The following RBFOX1 variants were observed in gnomAD, a reference collection of about 807,000 sequenced individuals.
The protein encoded by RBFOX1 is RNA binding protein fox-1 homolog 1.
RBFOX1 carries 8 observed loss-of-function variants against 57.7 expected under a neutral mutation model. That is an observed-to-expected ratio of 0.14 (90% confidence interval 0.08 to 0.25). RBFOX1 has a LOEUF of 0.25. RBFOX1 is among the 10% of genes least tolerant of loss of function. The pLI is 1.00. For missense variants in RBFOX1, 611 were observed against 548.5 expected, an observed-to-expected ratio of 1.11 and a Z score of -1.14; for synonymous variants, 326 against 222.4, an observed-to-expected ratio of 1.47 and a Z score of -4.15.
At chr16:7,467,430 T>G (rs920150606) in intron 4 of RBFOX1, among the ~76,000 whole-genome samples, 1 of 152,110 alleles carries the variant, frequency 6.6e-6, no homozygotes, top group Admixed American at 6.6e-5. Context: ...GACATTGGGA[T>G]GTAACAACCA....
intron 5 of RBFOX1, among the ~76,000 whole-genome samples, chr16:7,522,873 G>C (rs376284971): frequency 1.3e-5 from 2 of 152,268 alleles, no homozygotes; most frequent in East Asian, 3.9e-4. Flanking sequence ...TATATTTAAA[G>C]TATACACTTT....
intron 3 of RBFOX1, among the ~76,000 whole-genome samples, chr16:6,950,801 A>G (rs535229935): frequency 5.3e-5 from 8 of 152,312 alleles, no homozygotes; most frequent in African/African-American, 1.7e-4. Flanking sequence ...CTCTATCACA[A>G]CAGATGCTAA....
intron 4 of RBFOX1, among the ~76,000 whole-genome samples, chr16:7,410,637 A>G (rs1273397704): frequency 6.6e-6 from 1 of 152,198 alleles, no homozygotes; most frequent in Non-Finnish European, 1.5e-5. Context: ...AGATTGTGCC[A>G]TTGCACTCCA....
intron 4 of RBFOX1, among the ~76,000 whole-genome samples, chr16:7,323,463 C>G (rs1383843707): frequency 6.6e-6 from 1 of 152,104 alleles, no homozygotes; most frequent in Non-Finnish European, 1.5e-5. Context: ...CCCAGGCCAC[C>G]ATTTCTCAGA....
At chr16:5,828,572 G>A (rs555636587) in intron 3 of RBFOX1, among the ~76,000 whole-genome samples, 45 of 152,222 alleles carry the variant, frequency 3.0e-4, no homozygotes, top group Non-Finnish European at 5.7e-4. Flanking sequence ...GGTGGTGCAC[G>A]CCTGTAGTCC....
At chr16:6,823,611 C>T (rs1207711217) in intron 3 of RBFOX1, among the ~76,000 whole-genome samples, 2 of 152,076 alleles carry the variant, frequency 1.3e-5, no homozygotes, top group South Asian at 2.1e-4. Flanking sequence ...CTTGAATATT[C>T]CACCAGTTTT....
chr16:7,220,162 A>G (rs569997906), intron 4 of RBFOX1, among the ~76,000 whole-genome samples: 3 of 152,268 alleles, frequency 2.0e-5, no homozygotes, highest in African/African-American at 7.2e-5. Flanking sequence ...ACTCCCGACA[A>G]CCATCATGAC....
chr16:6,447,356 A>T (rs927541160), intron 2 of RBFOX1, among the ~76,000 whole-genome samples: 3 of 152,212 alleles, frequency 2.0e-5, no homozygotes, highest in African/African-American at 7.2e-5. Flanking sequence ...ATCCCTCAAG[A>T]CCAACAATTA....
At chr16:6,134,157 G>C (rs186635212) in intron 1 of RBFOX1, among the ~76,000 whole-genome samples, 1 of 152,084 alleles carries the variant, frequency 6.6e-6, no homozygotes, top group African/African-American at 2.4e-5. Flanking sequence ...GGCTGGTCTC[G>C]AACTCCTGAC....
intron 3 of RBFOX1, among the ~76,000 whole-genome samples, chr16:6,864,591 C>G (rs2059587534): frequency 6.7e-6 from 1 of 148,608 alleles, no homozygotes; most frequent in Non-Finnish European, 1.5e-5. Flanking sequence ...TCAAAACAGG[C>G]TGGATGTGTC....
intron 2 of RBFOX1, among the ~76,000 whole-genome samples, chr16:5,528,042 C>T (rs1254516023): frequency 2.6e-5 from 4 of 152,116 alleles, no homozygotes; most frequent in African/African-American, 9.7e-5. Flanking sequence ...AATGGGTGCT[C>T]AACATTCAAA....
At chr16:6,525,770 A>G (rs2096569794) in intron 2 of RBFOX1, among the ~76,000 whole-genome samples, 1 of 152,022 alleles carries the variant, frequency 6.6e-6, no homozygotes, top group African/African-American at 2.4e-5. Flanking sequence ...GTCTCCAGCA[A>G]TTTTATAGGG....
intron 3 of RBFOX1, among the ~76,000 whole-genome samples, chr16:5,823,668 A>C (rs537258250): frequency 6.6e-6 from 1 of 152,114 alleles, no homozygotes; most frequent in Non-Finnish European, 1.5e-5. Context: ...GCAGCATTAG[A>C]TTATCATAGG....
chr16:7,398,797 G>A (rs970821774), intron 4 of RBFOX1, among the ~76,000 whole-genome samples: 5 of 152,212 alleles, frequency 3.3e-5, no homozygotes, highest in African/African-American at 1.2e-4. Context: ...TCATTGTGGG[G>A]TTAGACTCCC....
intron 1 of RBFOX1, among the ~76,000 whole-genome samples, chr16:6,239,620 C>A (rs1320580585): frequency 6.6e-6 from 1 of 150,390 alleles, no homozygotes; most frequent in Non-Finnish European, 1.5e-5. Flanking sequence ...GCCTCAGCCT[C>A]CTGAGTAGCT....
Position 7,694,746 on chromosome 16 carries a change from G to A in RBFOX1, c.996-14310G>A, listed in dbSNP as rs565122221. 5.7e-4 allele frequency among the ~76,000 whole-genome samples: 87 copies of A among 152,212 alleles called. No homozygotes were observed. In the South Asian group the frequency reaches 0.016, roughly 28 times the overall value. ...GGAATGTTCCTGCAATACAAAAGTT[G>A]TTTAACATTTTCAGAGCCTTAGTGG... is the stretch of plus-strand genomic sequence containing the variant. On this transcript the variant is annotated intron_variant, in intron 14 of 15. Transcript: ENST00000550418.
At chr16:5,542,254 T>G (rs1196924977) in intron 2 of RBFOX1, among the ~76,000 whole-genome samples, 2 of 148,676 alleles carry the variant, frequency 1.3e-5, no homozygotes, top group Non-Finnish European at 3.0e-5. Context: ...ATTTTTTTTT[T>G]TTTTTTTTTT....
chr16:7,490,571 T>C (rs1434849375), intron 4 of RBFOX1, among the ~76,000 whole-genome samples: 1 of 152,210 alleles, frequency 6.6e-6, no homozygotes, highest in African/African-American at 2.4e-5. Context: ...TTAAAATAAA[T>C]TCAACTGTGA....
chr16:6,112,141 G>A (rs2096453787), intron 1 of RBFOX1, among the ~76,000 whole-genome samples: 1 of 152,156 alleles, frequency 6.6e-6, no homozygotes, highest in Non-Finnish European at 1.5e-5. Flanking sequence ...GCTAGCTGGA[G>A]CCAATTAACC....
Sources: allele counts gnomAD v4.1 joint callset (sites outside exome capture counted in the v4.1 genomes callset), GRCh38; gene constraint gnomAD v4.1.1; transcripts MANE v1.5; gene names NCBI Gene and HGNC (gene_info 2026-07-23, HGNC 2026-07-21).